The following BRMS1L variants were observed in gnomAD, a reference collection of about 807,000 sequenced individuals.
The protein encoded by BRMS1L is breast cancer metastasis-suppressor 1-like protein.
A neutral mutation model predicts 50.3 loss-of-function variants in BRMS1L; 23 were observed. The observed-to-expected ratio is 0.46, with a 90% CI of 0.33 to 0.65. The LOEUF (loss-of-function observed/expected upper bound fraction) is 0.65. BRMS1L is among the 30% of genes least tolerant of loss of function. The pLI, the probability that BRMS1L is intolerant of heterozygous loss-of-function variation, is 0.02. For synonymous variants in BRMS1L, 114 were observed against 126.9 expected, an observed-to-expected ratio of 0.90 and a Z score of 0.69; for missense variants, 286 against 386.1, an observed-to-expected ratio of 0.74 and a Z score of 2.17.
rs1468358545 is a variant in BRMS1L, at chr14:35,865,818, G to T, written c.727+57G>T. 2.7e-6 allele frequency: 4 copies of T among 1,459,478 alleles called. No individual in the cohort carries two copies. The East Asian group carries it at 6.9e-5, about 25-fold the overall frequency. The allele number at this position is 1,459,478 out of a possible 1,614,324, so 90.4% of individuals were successfully genotyped here. On this transcript the variant is annotated intron_variant, in intron 8 of 9. Coordinates refer to ENST00000216807, the MANE Select transcript of BRMS1L (RefSeq NM_032352.4). Reference sequence around the variant, plus strand: ...CTCTTTGGAGACTTGTTGAATCAGGGTTGTTATCTACGTACTAAAGAACTC... The same window carrying T: ...CTCTTTGGAGACTTGTTGAATCAGGTTTGTTATCTACGTACTAAAGAACTC...
chr14:35,839,686 G>A (rs1419575640), intron 4 of BRMS1L, among the ~76,000 whole-genome samples: 1 of 152,170 alleles, frequency 6.6e-6, no homozygotes, highest in Non-Finnish European at 1.5e-5. Context: ...TATTATTGGT[G>A]TATAGGAATG....
chr14:35,869,190 C>T (rs2078457698), intron 9 of BRMS1L, among the ~76,000 whole-genome samples: 1 of 152,080 alleles, frequency 6.6e-6, no homozygotes, highest in Non-Finnish European at 1.5e-5. Flanking sequence ...ATATGATACT[C>T]CTGGATTCTT....
At chr14:35,858,574 CA>C (rs2078311036) in intron 4 of BRMS1L, 2 of 152,144 alleles carry the variant, frequency 1.3e-5, no homozygotes, top group Non-Finnish European at 2.9e-5. Flanking sequence ...TATTATTTTG[CA>C]GTCTCAGTGG....
At chr14:35,853,947 A>G (rs1444638655) in intron 4 of BRMS1L, among the ~76,000 whole-genome samples, 1 of 152,144 alleles carries the variant, frequency 6.6e-6, no homozygotes, top group East Asian at 1.9e-4. Flanking sequence ...ATCTACATTA[A>G]TAGAATCTAA....
intron 9 of BRMS1L, 49 bp downstream of exon 9, chr14:35,868,081 A>G: frequency 6.6e-7 from 1 of 1,524,134 alleles, no homozygotes; most frequent in Non-Finnish European, 8.8e-7. Flanking sequence ...GTCATTTACA[A>G]CATCGTTGTC....
chr14:35,827,398 A>G (rs972949965), intron 1 of BRMS1L, among the ~76,000 whole-genome samples: 1 of 152,196 alleles, frequency 6.6e-6, no homozygotes, highest in African/African-American at 2.4e-5. Flanking sequence ...CTAAAGTGAA[A>G]TGGAATTTGT....
At chr14:35,854,783 G>T (rs758439956) in intron 4 of BRMS1L, among the ~76,000 whole-genome samples, 1 of 152,132 alleles carries the variant, frequency 6.6e-6, no homozygotes, top group Non-Finnish European at 1.5e-5. Flanking sequence ...GTGAGCACTG[G>T]TCAGAGGATG....
At chr14:35,868,475 G>T (rs958207085) in intron 9 of BRMS1L, among the ~76,000 whole-genome samples, 3 of 152,238 alleles carry the variant, frequency 2.0e-5, no homozygotes, top group African/African-American at 7.2e-5. Flanking sequence ...AAACCCTTAA[G>T]ATTAATAGTA....
intron 8 of BRMS1L, chr14:35,865,988 T>C (rs1274927529): frequency 8.5e-6 from 4 of 469,104 alleles, no homozygotes; most frequent in African/African-American, 2.0e-5. Context: ...TTATTGCTAA[T>C]AATGGATCAG....
rs1017207682 is a variant in BRMS1L at position 35,831,394 on chromosome 14, G to A, written c.143-16G>A. The A allele has an allele frequency of 5.1e-6, 8 of 1,568,428 alleles. No homozygotes were observed. The highest frequency in any genetic ancestry group is 5.3e-6 in the Non-Finnish European group (6 of 1,140,394). The stretch of plus-strand genomic sequence containing the variant: ...AAAATTAAGTTTATCTTTTATATTT[G>A]CCTTTTTATTAACAGAAATGGATGA... On this transcript the variant is annotated splice_polypyrimidine_tract_variant and intron_variant, in intron 1 of 9. Transcript: ENST00000216807.
chr14:35,857,148 G>A (rs1303928574), intron 4 of BRMS1L, among the ~76,000 whole-genome samples: 1 of 151,654 alleles, frequency 6.6e-6, no homozygotes, highest in Non-Finnish European at 1.5e-5. Context: ...GGCTGAGGCA[G>A]GAGAATTGCT....
At chr14:35,838,512 TC>T (rs140574932) in intron 4 of BRMS1L, among the ~76,000 whole-genome samples, 25,210 of 152,166 alleles carry the variant, frequency 0.17, 2,160 homozygotes, top group East Asian at 0.33. Flanking sequence ...CTTTCCTATT[TC>T]TCCACATCCT....
At chr14:35,837,509 A>C (rs187440682) in intron 4 of BRMS1L, among the ~76,000 whole-genome samples, 1 of 152,198 alleles carries the variant, frequency 6.6e-6, no homozygotes, top group Non-Finnish European at 1.5e-5. Flanking sequence ...TAGTCTAGTA[A>C]GTCTTGATAA....
chr14:35,834,978 G>T, intron 4 of BRMS1L, 55 bp downstream of exon 4: 1 of 1,348,746 alleles, frequency 7.4e-7, no homozygotes, highest in Admixed American at 2.2e-5. Flanking sequence ...AGCCTTTTCT[G>T]AGTGTAGTAG....
chr14:35,851,335 A>G (rs970815853), intron 4 of BRMS1L, among the ~76,000 whole-genome samples: 7 of 151,188 alleles, frequency 4.6e-5, no homozygotes, highest in African/African-American at 7.3e-5. Flanking sequence ...GAAGATTTCT[A>G]TGAATTGACA....
At chr14:35,868,876 A>G (rs2078453850) in intron 9 of BRMS1L, among the ~76,000 whole-genome samples, 1 of 152,218 alleles carries the variant, frequency 6.6e-6, no homozygotes, top group South Asian at 2.1e-4. Context: ...AATAAAGTTT[A>G]TATAACTATT....
intron 4 of BRMS1L, among the ~76,000 whole-genome samples, chr14:35,850,118 G>A (rs767146540): frequency 1.1e-4 from 17 of 151,958 alleles, no homozygotes; most frequent in African/African-American, 1.9e-4. Context: ...CACTGTGCCC[G>A]GCTGAAGAAT....
chr14:35,828,598 C>T (rs145998552), intron 1 of BRMS1L, among the ~76,000 whole-genome samples: 2,626 of 151,758 alleles, frequency 0.017, 54 homozygotes, highest in African/African-American at 0.048. Context: ...CTCAGCCTCC[C>T]GAGTAGCTGG....
intron 9 of BRMS1L, among the ~76,000 whole-genome samples, chr14:35,868,365 T>G (rs1337512723): frequency 1.3e-5 from 2 of 152,234 alleles, no homozygotes; most frequent in African/African-American, 4.8e-5. Context: ...TATGAATTTT[T>G]GGTGGACCTA....
Sources: gnomAD v4.1 joint callset for allele counts (sites outside exome capture counted in the v4.1 genomes callset) on GRCh38, gnomAD v4.1.1 for gene constraint, MANE v1.5 for transcripts, NCBI Gene and HGNC (gene_info 2026-07-23, HGNC 2026-07-21) for gene names.